The following DDX60 variants were observed in gnomAD, a reference collection of about 807,000 sequenced individuals.
DDX60 encodes the protein DExD/H-box helicase 60.
DDX60 carries 165 observed loss-of-function variants against 212.8 expected under a neutral mutation model. The ratio of observed to expected loss-of-function variants is 0.78; its 90% CI spans 0.68 to 0.88. The LOEUF (loss-of-function observed/expected upper bound fraction) is 0.88, where lower values mean the gene tolerates loss of function less well. Among genes scored for constraint, DDX60 ranks in the 40% least tolerant of loss-of-function variants. The pLI, the probability that DDX60 is intolerant of heterozygous loss-of-function variation, is 0.00. For missense variants in DDX60, 1,905 were observed against 2,003.9 expected (o/e 0.95, Z 0.94); for synonymous variants, 703 against 685.3 (o/e 1.03, Z -0.40).
chr4:168,310,974 C>T, intron 3 of DDX60, 24 bp downstream of exon 3: 1 of 1,383,122 alleles, frequency 7.2e-7, no homozygotes, highest in African/African-American at 1.4e-5. Flanking sequence ...GATTTCCCGT[C>T]TTTATTACTA....
At chr4:168,272,553 G>T (rs991783387) in intron 18 of DDX60, among the ~76,000 whole-genome samples, 8 of 152,234 alleles carry the variant, frequency 5.3e-5, no homozygotes. Flanking sequence ...CTGCAAGGCA[G>T]GCCTGATGGA....
chr4:168,237,236 G>C (rs762294433), intron 32 of DDX60, 50 bp downstream of exon 32: 23 of 1,253,756 alleles, frequency 1.8e-5, no homozygotes, highest in Non-Finnish European at 2.3e-5. Context: ...CAAATCTGTT[G>C]CTATTTTTGG....
chr4:168,293,018 T>C (rs1736176504), intron 7 of DDX60, among the ~76,000 whole-genome samples: 1 of 152,206 alleles, frequency 6.6e-6, no homozygotes, highest in Admixed American at 6.5e-5. Flanking sequence ...CATTTCTCTT[T>C]AATAGAAACC....
chr4:168,294,591 C>T (rs1349994496), intron 6 of DDX60, among the ~76,000 whole-genome samples: 1 of 152,050 alleles, frequency 6.6e-6, no homozygotes, highest in Non-Finnish European at 1.5e-5. Context: ...ATCTCTGCCT[C>T]CCAGGCTCAA....
chr4:168,276,905 T>G (rs1735365244), intron 14 of DDX60, among the ~76,000 whole-genome samples: 1 of 152,238 alleles, frequency 6.6e-6, no homozygotes, highest in Admixed American at 6.5e-5. Context: ...AAACAATGCA[T>G]AACACTTGAT....
At chr4:168,258,814 TC>T (rs775423749) in intron 25 of DDX60, among the ~76,000 whole-genome samples, 1 of 152,174 alleles carries the variant, frequency 6.6e-6, no homozygotes, top group Non-Finnish European at 1.5e-5. Context: ...TGATCTTCTT[TC>T]TTTTTCTTAA....
intron 30 of DDX60, among the ~76,000 whole-genome samples, chr4:168,240,851 A>G (rs1286809267): frequency 2.0e-5 from 3 of 152,186 alleles, no homozygotes; most frequent in Non-Finnish European, 2.9e-5. Context: ...AAGATAACCT[A>G]GGCAATACTA....
At chr4:168,288,443 T>C (rs1735955615) in intron 8 of DDX60, 128 bp from the exon 9 acceptor site, 1 of 577,138 alleles carries the variant, frequency 1.7e-6, no homozygotes, top group Non-Finnish European at 3.0e-6. Context: ...GCAAGCCCAT[T>C]CAGGCTGGGT....
chr4:168,307,550 C>T (rs1274115669), intron 4 of DDX60, among the ~76,000 whole-genome samples: 1 of 151,970 alleles, frequency 6.6e-6, no homozygotes, highest in East Asian at 1.9e-4. Context: ...CTCAAGTAAT[C>T]CTCCCACCTC....
intron 33 of DDX60, among the ~76,000 whole-genome samples, chr4:168,233,994 A>G (rs1578978366): frequency 2.0e-5 from 3 of 152,110 alleles, no homozygotes; most frequent in African/African-American, 7.2e-5. Context: ...TATATCAATG[A>G]TTGCATGTAT....
At chr4:168,309,607 G>C (rs575435776) in intron 3 of DDX60, among the ~76,000 whole-genome samples, 2 of 152,126 alleles carry the variant, frequency 1.3e-5, no homozygotes, top group East Asian at 3.9e-4. Context: ...AAAAAGCAAA[G>C]TATATGACAA....
chr4:168,286,949 A>G, intron 10 of DDX60, 99 bp downstream of exon 10: 1 of 885,944 alleles, frequency 1.1e-6, no homozygotes, highest in Non-Finnish European at 1.6e-6. Flanking sequence ...TTCAAGTGCC[A>G]GAAAATTATT....
At position 168,288,172 on chromosome 4, in the gene DDX60, A is replaced by T; in HGVS notation, c.1183+2T>A. The T allele has an allele frequency of 6.8e-7, 1 of 1,466,660 alleles. No homozygotes were observed. Among genetic ancestry groups the T allele is most frequent in the Non-Finnish European group, 9.3e-7 (1 of 1,078,656 alleles). 90.9% of individuals were successfully genotyped at this position (1,466,660 alleles called of 1,614,324 possible). On this transcript the variant is annotated splice_donor_variant, in intron 9 of 37. Transcript: ENST00000393743. LOFTEE classifies it high-confidence loss of function. The stretch of plus-strand genomic sequence containing the variant: ...TATGATTATAATATACTGAGATGGT[A>T]CCTTTTACATTTTCATTTTCATAGT...
chr4:168,236,941 T>C (rs1416708911), intron 32 of DDX60, among the ~76,000 whole-genome samples: 2 of 151,336 alleles, frequency 1.3e-5, no homozygotes, highest in Non-Finnish European at 3.0e-5. Flanking sequence ...ACTTAATGCT[T>C]TACTATATCC....
chr4:168,301,773 T>C (rs912755884), intron 6 of DDX60, among the ~76,000 whole-genome samples: 1 of 152,178 alleles, frequency 6.6e-6, no homozygotes, highest in Non-Finnish European at 1.5e-5. Flanking sequence ...ACAAAGCATG[T>C]CCTTCAAGAT....
chr4:168,286,648 C>T (rs1358049124), intron 10 of DDX60, among the ~76,000 whole-genome samples: 1 of 151,934 alleles, frequency 6.6e-6, no homozygotes, highest in African/African-American at 2.4e-5. Flanking sequence ...GTGGAGAGCC[C>T]ATGTGGCCTT....
intron 30 of DDX60, among the ~76,000 whole-genome samples, chr4:168,238,088 A>G (rs1204206465): frequency 6.6e-6 from 1 of 151,982 alleles, no homozygotes; most frequent in Non-Finnish European, 1.5e-5. Flanking sequence ...AAAAAGATAT[A>G]TTATCCCATG....
intron 25 of DDX60, 114 bp from the exon 26 acceptor site, chr4:168,255,983 C>T (rs1466035179): frequency 1.0e-5 from 11 of 1,084,974 alleles, no homozygotes; most frequent in Admixed American, 6.6e-5. Flanking sequence ...TTAATACCCA[C>T]CTTTATAAAT....
chr4:168,294,059 G>T, intron 6 of DDX60, 114 bp from the exon 7 acceptor site: 1 of 906,364 alleles, frequency 1.1e-6, no homozygotes, highest in Non-Finnish European at 1.6e-6. Flanking sequence ...AAAATAATCT[G>T]TACAACAAAC....
Sources: gnomAD v4.1 joint callset for allele counts (sites outside exome capture counted in the v4.1 genomes callset) on GRCh38, gnomAD v4.1.1 for gene constraint, MANE v1.5 for transcripts, NCBI Gene and HGNC (gene_info 2026-07-23, HGNC 2026-07-21) for gene names.